Variants in RNF217 observed in about 807,000 individuals in gnomAD.
RNF217 encodes E3 ubiquitin-protein ligase RNF217.
A neutral mutation model predicts 57.8 loss-of-function variants in RNF217; 31 were observed. That is an observed-to-expected ratio of 0.54 (90% CI 0.40 to 0.72). The LOEUF (loss-of-function observed/expected upper bound fraction) is 0.72, where lower values mean the gene tolerates loss of function less well. Ranked by LOEUF, RNF217 falls within the 30% of genes least tolerant of loss-of-function variation. The pLI, the probability that RNF217 is intolerant of heterozygous loss-of-function variation, is 0.00. For synonymous variants in RNF217, 313 were observed against 294.0 expected (o/e 1.06, Z -0.66); for missense variants, 696 against 708.3 (o/e 0.98, Z 0.20).
In RNF217 at chr6:124,963,513, C is replaced by T. The variant is rs1050691368; in HGVS notation, c.882+87C>T. ...TCTCGATCTGATCTCCCTGCTCGCGCGAAGAGGTGACCGACACACTTACTG... is the reference window on the plus strand; with the variant it reads ...TCTCGATCTGATCTCCCTGCTCGCGTGAAGAGGTGACCGACACACTTACTG... On this transcript the variant is annotated intron_variant, in intron 1 of 5. Coordinates refer to ENST00000521654, the MANE Select transcript of RNF217 (RefSeq NM_001286398.3). The T allele has an allele frequency of 6.4e-6, 9 of 1,395,744 alleles. No individual in the cohort carries two copies. The Admixed American group carries it at 1.8e-4, about 29-fold the overall frequency. The allele number at this position is 1,395,744 out of a possible 1,614,324, so 86.5% of individuals were successfully genotyped here.
At chr6:124,977,552 G>A (rs954198146) in intron 1 of RNF217, among the ~76,000 whole-genome samples, 1 of 152,136 alleles carries the variant, frequency 6.6e-6, no homozygotes, top group African/African-American at 2.4e-5. Flanking sequence ...AATCATGGGA[G>A]CATTTAGATT....
chr6:124,988,237 A>G (rs1000175039), intron 1 of RNF217, among the ~76,000 whole-genome samples: 1 of 152,256 alleles, frequency 6.6e-6, no homozygotes, highest in East Asian at 1.9e-4. Context: ...TCCATGGAAG[A>G]GTTGTCTTCC....
At chr6:125,030,074 A>T (rs1485763641) in intron 1 of RNF217, among the ~76,000 whole-genome samples, 1 of 152,160 alleles carries the variant, frequency 6.6e-6, no homozygotes, top group East Asian at 1.9e-4. Flanking sequence ...AGAGAAAATG[A>T]AGAAGAAGCA....
At position 125,003,538 on chromosome 6, in the gene RNF217, T is replaced by A. The variant is rs182419529; in HGVS notation, c.882+40112T>A. ...GTAGGAATAAACTTTAGAGATTCAC[T>A]GCACAGTATGGTGACTGTAGTTAAT... On this transcript the variant is annotated intron_variant, in intron 1 of 5. Transcript: ENST00000521654. 7.5e-4 allele frequency among the ~76,000 whole-genome samples: 114 copies of A among 152,360 alleles called. 1 individual carries two copies. The highest frequency in any genetic ancestry group is 2.7e-3 in the African/African-American group (114 of 41,586).
intron 1 of RNF217, among the ~76,000 whole-genome samples, chr6:124,990,816 G>A (rs924301447): frequency 2.0e-5 from 3 of 152,158 alleles, no homozygotes; most frequent in African/African-American, 7.2e-5. Context: ...CGTAATCCCA[G>A]CACTTTGAGA....
intron 3 of RNF217, among the ~76,000 whole-genome samples, chr6:125,066,499 G>C (rs947412140): frequency 3.3e-5 from 5 of 152,088 alleles, no homozygotes; most frequent in African/African-American, 4.8e-5. Flanking sequence ...TTGTCCCTCT[G>C]TCTGGAATGT....
chr6:125,055,857 T>C, intron 2 of RNF217, among the ~76,000 whole-genome samples: 1 of 152,214 alleles, frequency 6.6e-6, no homozygotes, highest in East Asian at 1.9e-4. Flanking sequence ...ACATTTTATA[T>C]TGTTTTCTTA....
At chr6:125,022,280 A>T (rs995508235) in intron 1 of RNF217, among the ~76,000 whole-genome samples, 1 of 152,226 alleles carries the variant, frequency 6.6e-6, no homozygotes, top group Non-Finnish European at 1.5e-5. Flanking sequence ...TGAAGAGATT[A>T]TTCAACAGTT....
intron 1 of RNF217, among the ~76,000 whole-genome samples, chr6:125,025,364 G>A (rs1786034667): frequency 6.6e-6 from 1 of 152,082 alleles, no homozygotes; most frequent in African/African-American, 2.4e-5. Flanking sequence ...CAATCCTAAC[G>A]AGTTTTTTGT....
intron 2 of RNF217, among the ~76,000 whole-genome samples, chr6:125,054,481 G>A (rs1247154267): frequency 6.6e-6 from 1 of 152,162 alleles, no homozygotes; most frequent in Non-Finnish European, 1.5e-5. Context: ...CCAGTGGTCT[G>A]CATTGTAGTC....
chr6:125,088,200 A>T lies in RNF217; in HGVS notation c.*5263A>T, dbSNP rs1289781288. ...TTTTATAGCCACAATTATTAATTTG[A>T]TAAAACAAATAATTTTATAGAAGCA... On this transcript the variant is annotated 3_prime_UTR_variant, in exon 6 of 6. Transcript: ENST00000521654. 1 of 152,004 alleles carries T rather than the reference A, an allele frequency of 6.6e-6. No individual in the cohort carries two copies. Among genetic ancestry groups the T allele is most frequent in the Non-Finnish European group, 1.5e-5 (1 of 67,986 alleles). The allele number at this position is 152,004 out of a possible 1,614,324, so 9.4% of individuals were successfully genotyped here.
intron 3 of RNF217, among the ~76,000 whole-genome samples, chr6:125,063,891 T>C (rs1787842649): frequency 6.6e-6 from 1 of 152,206 alleles, no homozygotes; most frequent in South Asian, 2.1e-4. Context: ...CTTGTCATGA[T>C]ATTTCCCTTT....
At chr6:124,993,307 A>G (rs763352469) in intron 1 of RNF217, among the ~76,000 whole-genome samples, 18 of 152,194 alleles carry the variant, frequency 1.2e-4, no homozygotes, top group Non-Finnish European at 2.5e-4. Context: ...CTAAGCGAAC[A>G]ATATAAATAG....
intron 3 of RNF217, among the ~76,000 whole-genome samples, chr6:125,069,067 C>T (rs868100461): frequency 6.6e-5 from 10 of 152,162 alleles, no homozygotes; most frequent in East Asian, 3.9e-4. Context: ...ATTTATTGTA[C>T]GGCTCTACCC....
intron 3 of RNF217, among the ~76,000 whole-genome samples, chr6:125,072,211 C>G (rs1480203394): frequency 6.6e-6 from 1 of 152,036 alleles, no homozygotes; most frequent in Non-Finnish European, 1.5e-5. Flanking sequence ...TTGCATTTTG[C>G]TAGTTTATTT....
chr6:125,051,698 CAG>C (rs974797858), intron 2 of RNF217, among the ~76,000 whole-genome samples: 42 of 152,128 alleles, frequency 2.8e-4, no homozygotes, highest in Admixed American at 6.6e-4. Context: ...TTATTGGTCA[CAG>C]AGAATATTCC....
chr6:124,978,357 G>A (rs547790290), intron 1 of RNF217, among the ~76,000 whole-genome samples: 4 of 151,732 alleles, frequency 2.6e-5, no homozygotes, highest in Non-Finnish European at 5.9e-5. Context: ...CAGATCCTGT[G>A]CCCACCGTGG....
chr6:125,052,373 A>C (rs941119153), intron 2 of RNF217, among the ~76,000 whole-genome samples: 1 of 148,592 alleles, frequency 6.7e-6, no homozygotes, highest in Non-Finnish European at 1.5e-5. Context: ...GTTGGTCCTC[A>C]GCCTTTAGGA....
rs183989458 is a variant in RNF217 at position 125,042,924 on chromosome 6, G to C, written c.883-2287G>C. ...AGGCTCTTAATCACAGAAATGTACT[G>C]CTTCCCAATAACAAGTGCCTCTCGA... On this transcript the variant is annotated intron_variant, in intron 1 of 5. Transcript: ENST00000521654. Among the ~76,000 whole-genome samples, 6 of 152,184 alleles carry C rather than the reference G, an allele frequency of 3.9e-5. No individual in the cohort carries two copies. In the East Asian group the frequency reaches 1.2e-3, roughly 30 times the overall value.
Sources: gnomAD v4.1 joint callset for allele counts (sites outside exome capture counted in the v4.1 genomes callset) on GRCh38, gnomAD v4.1.1 for gene constraint, MANE v1.5 for transcripts, NCBI Gene and HGNC (gene_info 2026-07-23, HGNC 2026-07-21) for gene names.